Variants in AP1G1 observed in about 807,000 individuals in gnomAD.
The protein encoded by AP1G1 is AP-1 complex subunit gamma-1.
Under a neutral mutation model 108.3 loss-of-function variants are expected in AP1G1, and 7 were observed. That is an observed-to-expected ratio of 0.06 (90% confidence interval 0.04 to 0.12). The LOEUF is 0.12. Among genes scored for constraint, AP1G1 ranks in the 10% least tolerant of loss-of-function variants. The probability of loss-of-function intolerance (pLI) is 1.00; values close to 1 mark genes in which losing one functional copy is unlikely to be tolerated. For missense variants in AP1G1, 756 were observed against 1,010.7 expected, an observed-to-expected ratio of 0.75 and a Z score of 3.42; for synonymous variants, 379 against 353.5, an observed-to-expected ratio of 1.07 and a Z score of -0.81.
At chr16:71,741,520 T>C (rs981626842) in intron 19 of AP1G1, among the ~76,000 whole-genome samples, 2 of 152,088 alleles carry the variant, frequency 1.3e-5, no homozygotes, top group Admixed American at 6.6e-5. Flanking sequence ...GAGGCAAAGG[T>C]TGCAGTGAGC....
chr16:71,731,582 T>C lies in AP1G1; in HGVS notation c.*1476A>G, dbSNP rs1179805175. 1.3e-5 allele frequency: 2 copies of C among 152,618 alleles called. No individual in the cohort carries two copies. The highest frequency in any genetic ancestry group is 2.9e-5 in the Non-Finnish European group (2 of 68,052). The allele number at this position is 152,618 out of a possible 1,614,324, so 9.5% of individuals were successfully genotyped here. ...GACATGGCGCCTGAATACTTGAACA[T>C]ACATAGTACATTCAATGTGTACCAC... is the stretch of plus-strand genomic sequence containing the variant. On this transcript the variant is annotated 3_prime_UTR_variant, in exon 23 of 23. Coordinates refer to ENST00000299980, the MANE Select transcript of AP1G1 (RefSeq NM_001128.6).
At chr16:71,790,100 TAA>T (rs55694135) in intron 1 of AP1G1, among the ~76,000 whole-genome samples, 47 of 145,942 alleles carry the variant, frequency 3.2e-4, no homozygotes, top group Non-Finnish European at 2.6e-4. Context: ...CTTTTAAAAG[TAA>T]AAAAAAAAAA....
At position 71,732,153 on chromosome 16, in the gene AP1G1, T is replaced by C. The variant is rs1038445414; in HGVS notation, c.*905A>G. On this transcript the variant is annotated 3_prime_UTR_variant, in exon 23 of 23. Coordinates refer to ENST00000299980, the MANE Select transcript of AP1G1 (RefSeq NM_001128.6). ...GCAAGTTATGGGCTTAGGAGCACTT[T>C]AAAATTTGTGGTGGGAATAGGGTCA... The C allele has an allele frequency of 1.2e-4, 18 of 152,272 alleles. No homozygotes were observed. Among genetic ancestry groups the C allele is most frequent in the African/African-American group, 4.3e-4 (18 of 41,460 alleles). The allele number at this position is 152,272 out of a possible 1,614,324, so 9.4% of individuals were successfully genotyped here.
intron 2 of AP1G1, among the ~76,000 whole-genome samples, chr16:71,776,021 G>C (rs1474889753): frequency 6.6e-6 from 1 of 152,102 alleles, no homozygotes; most frequent in Non-Finnish European, 1.5e-5. Context: ...TTCAAAGTGC[G>C]TACACAAGAC....
chr16:71,785,561 G>A (rs1176965539), intron 2 of AP1G1, among the ~76,000 whole-genome samples: 2 of 123,070 alleles, frequency 1.6e-5, no homozygotes, highest in Admixed American at 2.0e-4. Flanking sequence ...AGTGACAAGA[G>A]CGAAACCCTG....
chr16:71,758,540 G>A (rs1488653332), intron 11 of AP1G1: 6 of 587,112 alleles, frequency 1.0e-5, no homozygotes, highest in East Asian at 7.9e-5. Flanking sequence ...TGTGCCTGTT[G>A]TATTTATCAA....
intron 19 of AP1G1, among the ~76,000 whole-genome samples, 196 bp from the exon 20 acceptor site, chr16:71,739,537 C>G (rs2045591472): frequency 1.3e-5 from 2 of 151,980 alleles, no homozygotes; most frequent in East Asian, 1.9e-4. Context: ...TTAAAAAATA[C>G]TGTAAGAAAA....
intron 10 of AP1G1, 79 bp from the exon 11 acceptor site, chr16:71,759,000 A>G: frequency 1.3e-6 from 1 of 757,300 alleles, no homozygotes. Context: ...TAATAAAAAG[A>G]AAGACGTCTA....
At chr16:71,755,413 G>A (rs1314904061) in intron 12 of AP1G1, among the ~76,000 whole-genome samples, 1 of 151,900 alleles carries the variant, frequency 6.6e-6, no homozygotes, top group Non-Finnish European at 1.5e-5. Flanking sequence ...CTCCAGCCTA[G>A]GTGACAAAGT....
chr16:71,770,559 C>G (rs888479128), intron 5 of AP1G1, among the ~76,000 whole-genome samples: 10 of 152,238 alleles, frequency 6.6e-5, no homozygotes, highest in Non-Finnish European at 1.5e-4. Context: ...CTCATTGCAA[C>G]TTCTGCCTCC....
chr16:71,767,997 C>A, intron 6 of AP1G1: 1 of 1,268,682 alleles, frequency 7.9e-7, no homozygotes, highest in Admixed American at 2.0e-5. Context: ...AAGACATGAA[C>A]ATCTAAGGGA....
intron 6 of AP1G1, among the ~76,000 whole-genome samples, chr16:71,766,234 C>T (rs980343203): frequency 5.9e-5 from 9 of 152,222 alleles, no homozygotes; most frequent in Non-Finnish European, 8.8e-5. Flanking sequence ...TTCTTAACTC[C>T]TATGATACAA....
At chr16:71,780,418 CTGT>C (rs1052426526) in intron 2 of AP1G1, among the ~76,000 whole-genome samples, 8 of 151,096 alleles carry the variant, frequency 5.3e-5, no homozygotes, top group African/African-American at 1.7e-4. Context: ...CTTGAGCCTC[CTGT>C]TGAAGGCTGC....
intron 22 of AP1G1, among the ~76,000 whole-genome samples, chr16:71,733,816 T>C (rs1233694452): frequency 6.6e-6 from 1 of 152,252 alleles, no homozygotes; most frequent in African/African-American, 2.4e-5. Flanking sequence ...AATGTGAACA[T>C]GACCTTTTGT....
chr16:71,782,223 G>A (rs1258149777), intron 2 of AP1G1, among the ~76,000 whole-genome samples: 2 of 152,088 alleles, frequency 1.3e-5, no homozygotes, highest in Non-Finnish European at 2.9e-5. Context: ...GAGTGCAGTG[G>A]CACGATCTCG....
intron 1 of AP1G1, among the ~76,000 whole-genome samples, chr16:71,803,918 C>T (rs2032901091): frequency 1.5e-5 from 2 of 130,602 alleles, no homozygotes; most frequent in South Asian, 6.1e-4. Flanking sequence ...AGGAGGACTC[C>T]GTCTCAAAAA....
chr16:71,805,833 C>G (rs1380979885), intron 1 of AP1G1, among the ~76,000 whole-genome samples: 1 of 152,074 alleles, frequency 6.6e-6, no homozygotes, highest in Non-Finnish European at 1.5e-5. Context: ...CCAGCCTGGG[C>G]AACATGACAA....
At chr16:71,761,816 CAAAAAAAAAA>C (rs375647068) in intron 9 of AP1G1, among the ~76,000 whole-genome samples, 4 of 44,874 alleles carry the variant, frequency 8.9e-5, no homozygotes, top group African/African-American at 1.6e-4. Flanking sequence ...GACTCCATCT[CAAAAAAAAAA>C]AAAAAAAAAA....
intron 4 of AP1G1, among the ~76,000 whole-genome samples, chr16:71,772,701 C>T (rs1011810831): frequency 6.6e-6 from 1 of 152,174 alleles, no homozygotes; most frequent in Non-Finnish European, 1.5e-5. Flanking sequence ...AAATTCCATA[C>T]ACTTCATTTT....
Sources: allele counts gnomAD v4.1 joint callset (sites outside exome capture counted in the v4.1 genomes callset), GRCh38; gene constraint gnomAD v4.1.1; transcripts MANE v1.5; gene names NCBI Gene and HGNC (gene_info 2026-07-23, HGNC 2026-07-21).